C6: variants seen among roughly 807,000 people sequenced by gnomAD.
The protein encoded by C6 is complement C6, also known as complement component C6.
In C6, 101 loss-of-function variants were observed where a neutral mutation model predicts 112.9. That is an observed-to-expected ratio of 0.89 (90% CI 0.76 to 1.06). C6 has a LOEUF of 1.06. Among genes scored for constraint, C6 ranks in the 50% least tolerant of loss-of-function variants. The pLI is 0.00. For missense variants in C6, 1,202 were observed against 1,104.6 expected (o/e 1.09, Z -1.25); for synonymous variants, 431 against 384.1 (o/e 1.12, Z -1.43).
Position 41,162,461 on chromosome 5 carries a change from G to A in C6, c.1292-602C>T, listed in dbSNP as rs115354932. 5.9e-3 allele frequency among the ~76,000 whole-genome samples: 896 copies of A among 152,254 alleles called. 8 individuals carry two copies. Among genetic ancestry groups the A allele is most frequent in the East Asian group, 0.038 (199 of 5,182 alleles). On this transcript the variant is annotated intron_variant, in intron 9 of 17. Transcript: ENST00000337836. ...CTAACACAGAAAAAAACCCCCATCA[G>A]GTTAAGAGTTGGCACAATGTTTCTT... is the stretch of plus-strand genomic sequence containing the variant.
chr5:41,169,047 A>T (rs1748207165), intron 9 of C6, among the ~76,000 whole-genome samples: 1 of 152,144 alleles, frequency 6.6e-6, no homozygotes, highest in African/African-American at 2.4e-5. Flanking sequence ...TAGACAAAAG[A>T]TGGCCTGGCC....
chr5:41,218,465 T>A (rs1460747363), upstream of C6, among the ~76,000 whole-genome samples: 1 of 152,104 alleles, frequency 6.6e-6, no homozygotes, highest in East Asian at 1.9e-4. Context: ...AATAAATAAA[T>A]GAATTATATG....
At chr5:41,241,843 A>G (rs115876801) in intron 1 of C6, among the ~76,000 whole-genome samples, 3 of 152,226 alleles carry the variant, frequency 2.0e-5, no homozygotes, top group Non-Finnish European at 4.4e-5. Flanking sequence ...GTAGGACAGA[A>G]CATTCACAAT....
chr5:41,163,479 AT>A (rs1456824436), intron 9 of C6, among the ~76,000 whole-genome samples: 1 of 151,922 alleles, frequency 6.6e-6, no homozygotes, highest in Non-Finnish European at 1.5e-5. Context: ...GGCCTAGCTA[AT>A]TTTCATATTT....
At chr5:41,258,079 G>T (rs556528140) in intron 1 of C6, among the ~76,000 whole-genome samples, 1 of 151,770 alleles carries the variant, frequency 6.6e-6, no homozygotes, top group Non-Finnish European at 1.5e-5. Flanking sequence ...CACCAGGCAT[G>T]GTCTTCACAA....
rs768769391 is a variant in C6, at chr5:41,201,705, T to C, written c.153A>G (p.Val51=). The C allele has an allele frequency of 1.5e-5, 24 of 1,613,400 alleles. No homozygotes were observed. Among genetic ancestry groups the C allele is most frequent in the Non-Finnish European group, 5.9e-6 (7 of 1,179,592 alleles). The change falls in exon 3 of 18, where the codon GTA becomes GTG. Residue 51 remains valine, a synonymous_variant. Transcript: ENST00000337836. ...AGTTTTCCTGGTAGTACTTATCTACTACTATTTGTCTGTAACCATGAAGAA... is the reference window on the plus strand; with the variant it reads ...AGTTTTCCTGGTAGTACTTATCTACCACTATTTGTCTGTAACCATGAAGAA... ...SGTQSRHRQI[V]VDKYYQENFC...
chr5:41,199,995 CAACA>C, intron 3 of C6, 83 bp from the exon 4 acceptor site: 2 of 1,248,426 alleles, frequency 1.6e-6, no homozygotes, highest in Non-Finnish European at 2.3e-6. Context: ...TCCTCAATCA[CAACA>C]GTGATTTTTC....
At chr5:41,172,700 C>T (rs967481567) in intron 8 of C6, 2 of 382,820 alleles carry the variant, frequency 5.2e-6, no homozygotes, top group Middle Eastern at 8.7e-4. Flanking sequence ...TTTAAGCTCT[C>T]CCTTTCTATT....
intron 5 of C6, 112 bp from the exon 6 acceptor site, chr5:41,186,320 G>T: frequency 1.7e-6 from 2 of 1,176,576 alleles, no homozygotes; most frequent in Non-Finnish European, 2.4e-6. Flanking sequence ...CAAGACAAAT[G>T]ACTTGAAGGA....
intron 9 of C6, among the ~76,000 whole-genome samples, chr5:41,162,308 G>T (rs2150274309): frequency 6.6e-6 from 1 of 152,164 alleles, no homozygotes; most frequent in South Asian, 2.1e-4. Context: ...ATATGTTTTG[G>T]GTGCCCAGAA....
At chr5:41,213,670 T>A, upstream of C6, 1 of 362,280 alleles carries the variant, frequency 2.8e-6, no homozygotes, top group Non-Finnish European at 3.8e-6. Flanking sequence ...GAGTTTTCAA[T>A]TCAAGGGCTA....
intron 8 of C6, chr5:41,172,719 C>T: frequency 2.8e-6 from 1 of 360,666 alleles, no homozygotes; most frequent in Non-Finnish European, 5.4e-6. Flanking sequence ...TTGGCCGCTG[C>T]ACTGTGTAGC....
chr5:41,228,350 A>G (rs1739659705), intron 1 of C6, among the ~76,000 whole-genome samples: 1 of 152,080 alleles, frequency 6.6e-6, no homozygotes, highest in Admixed American at 6.6e-5. Flanking sequence ...TGGTTCTAAT[A>G]ATATTTTAAG....
At chr5:41,245,734 T>G (rs1326878550) in intron 1 of C6, among the ~76,000 whole-genome samples, 1 of 151,382 alleles carries the variant, frequency 6.6e-6, no homozygotes, top group Non-Finnish European at 1.5e-5. Flanking sequence ...ATTACATTGA[T>G]TGATTTTTTT....
rs542883912 is a variant in C6 at position 41,162,574 on chromosome 5, TCTAA to T, written c.1292-719_1292-716del. ...CAATTTCCACTAACCAAATGGTAAC[TCTAA>T]CTAACAGGGATAGAGACTGAGTAAT... On this transcript the variant is annotated intron_variant, in intron 9 of 17. Coordinates refer to ENST00000337836, the MANE Select transcript of C6 (RefSeq NM_000065.5). 4.5e-3 allele frequency among the ~76,000 whole-genome samples: 691 copies of T among 152,298 alleles called. 6 individuals are homozygous for T. Among genetic ancestry groups the T allele is most frequent in the African/African-American group, 0.016 (655 of 41,574 alleles).
At position 41,160,255 on chromosome 5, in the gene C6, GCA is replaced by G. The variant is rs757332416; in HGVS notation, c.1569_1570del (p.Ala524SerfsTer4). On this transcript the variant is annotated frameshift_variant, in exon 11 of 18. Coordinates refer to ENST00000337836, the MANE Select transcript of C6 (RefSeq NM_000065.5). LOFTEE classifies it high-confidence loss of function. ...GGGTCGGCCATTATTAGGGCATGGA[GCA>G]CACTGGCAAGGATCGAACTTGGCTG... 6.2e-7 allele frequency: 1 copy of G among 1,613,880 alleles called. No individual in the cohort carries two copies. Among genetic ancestry groups the G allele is most frequent in the Non-Finnish European group, 8.5e-7 (1 of 1,179,828 alleles).
chr5:41,200,049 C>A (rs1044076052), intron 3 of C6, 137 bp from the exon 4 acceptor site: 5 of 792,156 alleles, frequency 6.3e-6, no homozygotes, highest in Non-Finnish European at 1.1e-5. Flanking sequence ...ATGATTCTTC[C>A]AATTCCATTA....
intron 3 of C6, among the ~76,000 whole-genome samples, chr5:41,200,794 G>T (rs1255129626): frequency 1.3e-5 from 2 of 151,920 alleles, no homozygotes; most frequent in Admixed American, 1.3e-4. Context: ...GAATGTAGAG[G>T]AAGGGCAAGG....
At chr5:41,238,831 T>C (rs371298589) in intron 1 of C6, among the ~76,000 whole-genome samples, 2 of 152,176 alleles carry the variant, frequency 1.3e-5, no homozygotes, top group African/African-American at 4.8e-5. Flanking sequence ...TATTAGAATA[T>C]GGTGAATTAG....
Sources: allele counts gnomAD v4.1 joint callset (sites outside exome capture counted in the v4.1 genomes callset), GRCh38; gene constraint gnomAD v4.1.1; transcripts MANE v1.5; gene names NCBI Gene and HGNC (gene_info 2026-07-23, HGNC 2026-07-21).